Variants in LRCH2 observed in about 807,000 individuals in gnomAD.
The protein encoded by LRCH2 is leucine rich repeats and calponin homology domain containing 2, also known as leucine-rich repeat and calponin homology domain-containing protein 2.
A neutral mutation model predicts 68.9 loss-of-function variants in LRCH2; 38 were observed. The ratio of observed to expected loss-of-function variants is 0.55; its 90% CI spans 0.43 to 0.72. The LOEUF is 0.72. LRCH2 is among the 30% of genes least tolerant of loss of function. LRCH2 has a pLI of 0.00. For missense variants in LRCH2, 528 were observed against 572.9 expected, an observed-to-expected ratio of 0.92 and a Z score of 0.80; for synonymous variants, 191 against 208.1, an observed-to-expected ratio of 0.92 and a Z score of 0.71.
rs955433464 is a variant in LRCH2 at position 115,125,667 on chromosome X, G to A, written c.1791+1176C>T. ...TATATATATACACGTATATATATAC[G>A]TATATATATATCAATGTAAATTATT... On this transcript the variant is annotated intron_variant, in intron 16 of 20. Transcript: ENST00000317135. 4.7e-4 allele frequency among the ~76,000 whole-genome samples: 39 copies of A among 83,531 alleles called. 1 individual carries two copies. Among genetic ancestry groups the A allele is most frequent in the Non-Finnish European group, 7.8e-4 (34 of 43,457 alleles). The allele number at this position is 83,531 out of a possible 115,157, so 72.5% of individuals were successfully genotyped here. A position where few individuals can be genotyped will look rare whatever the true frequency, so the allele number is the denominator to read the frequency against.
At chrX:115,181,424 T>C (rs1472435577) in intron 3 of LRCH2, among the ~76,000 whole-genome samples, 1 of 112,535 alleles carries the variant, frequency 8.9e-6, no homozygotes, top group Non-Finnish European at 1.9e-5. Flanking sequence ...TCTAAAGGTA[T>C]TTGATACTTA....
intron 1 of LRCH2, chrX:115,192,316 G>A (rs1436904882): frequency 1.7e-6 from 2 of 1,159,146 alleles, no homozygotes; most frequent in African/African-American, 3.6e-5. Context: ...CTCGCCTGAC[G>A]CCCACAGTGG....
intron 1 of LRCH2, among the ~76,000 whole-genome samples, chrX:115,193,397 C>T (rs1556562037): frequency 9.0e-6 from 1 of 111,304 alleles, no homozygotes; most frequent in African/African-American, 3.3e-5. Context: ...AAATGAAGAT[C>T]TTTTCCCACA....
chrX:115,180,306 A>T (rs375257556), intron 3 of LRCH2, among the ~76,000 whole-genome samples: 12 of 111,368 alleles, frequency 1.1e-4, no homozygotes, highest in African/African-American at 3.9e-4. Flanking sequence ...GCTCAAAGAC[A>T]TTCTAAGAGA....
intron 6 of LRCH2, among the ~76,000 whole-genome samples, chrX:115,167,205 A>C (rs2072567723): frequency 9.8e-6 from 1 of 101,878 alleles, no homozygotes; most frequent in African/African-American, 3.5e-5. Context: ...AAAAAAAAAA[A>C]AAAAAAAAAA....
chrX:115,214,286 C>G (rs1556570821), intron 1 of LRCH2, among the ~76,000 whole-genome samples: 2 of 112,036 alleles, frequency 1.8e-5, no homozygotes, highest in Non-Finnish European at 3.8e-5. Flanking sequence ...CCACAGCTGT[C>G]TGTCGGATGC....
chrX:115,117,211 A>C (rs1228609067), intron 20 of LRCH2, among the ~76,000 whole-genome samples: 1 of 111,753 alleles, frequency 8.9e-6, no homozygotes, highest in Non-Finnish European at 1.9e-5. Context: ...ATTAGTCTTT[A>C]GGAAAATGCA....
chrX:115,124,139 C>T (rs1405888182), intron 16 of LRCH2, 137 bp from the exon 17 acceptor site: 5 of 330,953 alleles, frequency 1.5e-5, no homozygotes, highest in Non-Finnish European at 2.6e-5. Flanking sequence ...AGAAAAGTAA[C>T]TTGCATTTCA....
chrX:115,213,920 G>A (rs781853705), intron 1 of LRCH2, among the ~76,000 whole-genome samples: 7 of 111,936 alleles, frequency 6.3e-5, no homozygotes, highest in Non-Finnish European at 1.1e-4. Flanking sequence ...CAATAGAAAT[G>A]AAGGGAAAAT....
rs1041806622 is a variant in LRCH2 at position 115,150,043 on chromosome X, T to C, written c.1557A>G (p.Pro519=). The change falls in exon 13 of 21, where the codon CCA becomes CCG. Residue 519 remains proline, a synonymous_variant. Transcript: ENST00000317135. The part of the protein sequence containing the change: ...KSVSADEVNS[P]LSPLTWQPLE... Reference sequence around the variant, plus strand: ...TTACCTGCCAGGTGAGGGGTGATAATGGTGAATTAACTTCATCTGCTGAGA... The same window carrying C: ...TTACCTGCCAGGTGAGGGGTGATAACGGTGAATTAACTTCATCTGCTGAGA... 2 of 1,173,411 alleles carry C rather than the reference T, an allele frequency of 1.7e-6. No homozygotes were observed. The highest frequency in any genetic ancestry group is 2.3e-6 in the Non-Finnish European group (2 of 874,919).
At chrX:115,177,037 G>A (rs1186176377) in intron 5 of LRCH2, among the ~76,000 whole-genome samples, 3 of 90,587 alleles carry the variant, frequency 3.3e-5, no homozygotes, top group African/African-American at 8.7e-5. Context: ...GTGAGCCACC[G>A]CACCCAGCCT....
chrX:115,123,081 T>C lies in LRCH2; in HGVS notation c.1961A>G (p.Asn654Ser), dbSNP rs781980782. 3 of 1,203,382 alleles carry C rather than the reference T, an allele frequency of 2.5e-6. No individual in the cohort carries two copies. The highest frequency in any genetic ancestry group is 3.4e-6 in the Non-Finnish European group (3 of 890,822). Residue 654 changes from asparagine to serine, a missense_variant and splice_region_variant, in exon 18 of 21, where the codon AAC becomes AGC. Physicochemically the swap from Asn to Ser is conservative, Grantham distance 46. Transcript: ENST00000317135. ...ATCTGAAAGAGCAATCTGACTTACG[T>C]TGCGAAGTTGTCGTATTTGCTCTCG... ...EEREQIRQLR[N>S]NLESRLKVIL...
At chrX:115,184,752 T>C (rs2072719329) in intron 2 of LRCH2, among the ~76,000 whole-genome samples, 1 of 112,027 alleles carries the variant, frequency 8.9e-6, no homozygotes, top group Non-Finnish European at 1.9e-5. Flanking sequence ...ATTAAGTAGT[T>C]ATTATCTCCA....
intron 10 of LRCH2, among the ~76,000 whole-genome samples, chrX:115,164,103 A>G (rs1231830151): frequency 9.0e-6 from 1 of 111,614 alleles, no homozygotes; most frequent in African/African-American, 3.2e-5. Context: ...TCAGTATAAA[A>G]AGGACTGCAG....
At chrX:115,202,977 G>A (rs1556566775) in intron 1 of LRCH2, among the ~76,000 whole-genome samples, 1 of 111,598 alleles carries the variant, frequency 9.0e-6, no homozygotes, top group Non-Finnish European at 1.9e-5. Context: ...TAAGGGAAGA[G>A]GAAGAGAGTA....
At position 115,165,414 on chromosome X, in the gene LRCH2, T is replaced by C. The variant is rs2072550543; in HGVS notation, c.1346A>G (p.Asp449Gly). ...EKSRKNEELG[D>G]EKRLEKEQLL... ...TTTCATATGTGCTTACCTTTTTTCA[T>C]CTCCTAATTCTTCATTTTTCCGAGA... The change falls in exon 10 of 21, where the codon GAT becomes GGT. Residue 449 changes from aspartate (D) to glycine (G), a missense_variant. By Grantham distance (94) the Asp-to-Gly change is moderately conservative. Transcript: ENST00000317135. 3 of 1,121,524 alleles carry C rather than the reference T, an allele frequency of 2.7e-6. No homozygotes were observed. The highest frequency in any genetic ancestry group is 3.6e-6 in the Non-Finnish European group (3 of 838,075). The allele number at this position is 1,121,524 out of a possible 1,213,427, so 92.4% of individuals were successfully genotyped here.
intron 1 of LRCH2, among the ~76,000 whole-genome samples, chrX:115,227,847 T>G (rs1202759533): frequency 9.0e-6 from 1 of 110,739 alleles, no homozygotes; most frequent in East Asian, 2.8e-4. Context: ...ATCTCTAATA[T>G]TCTACTGAGA....
chrX:115,149,894 G>C lies in LRCH2; in HGVS notation c.1628C>G (p.Ser543Cys). The stretch of plus-strand genomic sequence containing the variant: ...TTCACTCTGCCAGATTATAGGGTGA[G>C]ATTCTGGCCACGGTTGTTCATCTAT... ...DQIDEQPWPE[S>C]HPIIWQSEER... is the part of the protein sequence containing the mutation. Residue 543 changes from serine to cysteine, a missense_variant, in exon 14 of 21, where the codon TCT (serine) becomes TGT (cysteine). Physicochemically the swap from Ser to Cys is moderately radical, Grantham distance 112. Coordinates refer to ENST00000317135, the MANE Select transcript of LRCH2 (RefSeq NM_020871.4). 1 of 1,206,044 alleles carries C rather than the reference G, an allele frequency of 8.3e-7. No individual in the cohort carries two copies. Among genetic ancestry groups the C allele is most frequent in the Non-Finnish European group, 1.1e-6 (1 of 891,876 alleles).
chrX:115,120,937 C>A (rs1217332961), intron 20 of LRCH2, among the ~76,000 whole-genome samples: 1 of 102,884 alleles, frequency 9.7e-6, no homozygotes, highest in Non-Finnish European at 2.0e-5. Context: ...AACCAAACAC[C>A]GCATATTCTC....
Sources: gnomAD v4.1 joint callset for allele counts (sites outside exome capture counted in the v4.1 genomes callset) on GRCh38, gnomAD v4.1.1 for gene constraint, MANE v1.5 for transcripts, NCBI Gene and HGNC (gene_info 2026-07-23, HGNC 2026-07-21) for gene names.